DOCK3: variants seen among roughly 807,000 people sequenced by gnomAD.
DOCK3 encodes the protein dedicator of cytokinesis protein 3.
Under a neutral mutation model 265.6 loss-of-function variants are expected in DOCK3, and 60 were observed. That is an observed-to-expected ratio of 0.23 (90% CI 0.18 to 0.28). The LOEUF is 0.28. Among genes scored for constraint, DOCK3 ranks in the 10% least tolerant of loss-of-function variants. The pLI, the probability that DOCK3 is intolerant of heterozygous loss-of-function variation, is 1.00. For synonymous variants in DOCK3, 881 were observed against 938.0 expected (o/e 0.94, Z 1.11); for missense variants, 1,981 against 2,594.3 (o/e 0.76, Z 5.14).
intron 2 of DOCK3, among the ~76,000 whole-genome samples, chr3:50,797,576 T>G (rs1459727234): frequency 6.6e-6 from 1 of 152,206 alleles, no homozygotes; most frequent in African/African-American, 2.4e-5. Flanking sequence ...AAGAGCCACT[T>G]GTAGTATTTT....
At chr3:51,090,869 C>T (rs575208163) in intron 9 of DOCK3, among the ~76,000 whole-genome samples, 1 of 152,246 alleles carries the variant, frequency 6.6e-6, no homozygotes, top group African/African-American at 2.4e-5. Flanking sequence ...TTGGGAACTT[C>T]TTGTGTTAGG....
chr3:50,916,313 G>A (rs2050121564), intron 4 of DOCK3, among the ~76,000 whole-genome samples: 1 of 151,936 alleles, frequency 6.6e-6, no homozygotes, highest in African/African-American at 2.4e-5. Context: ...GAGTGCAGTG[G>A]CACAATCTCA....
At chr3:50,676,969 C>G (rs2034011507) in intron 1 of DOCK3, among the ~76,000 whole-genome samples, 2 of 152,192 alleles carry the variant, frequency 1.3e-5, no homozygotes, top group Non-Finnish European at 2.9e-5. Flanking sequence ...TGAGACAGAG[C>G]CAGTGCAAGG....
chr3:51,043,645 A>G (rs1382036380), intron 5 of DOCK3, among the ~76,000 whole-genome samples: 4 of 152,094 alleles, frequency 2.6e-5, no homozygotes, highest in Admixed American at 2.6e-4. Context: ...TAAACAGACA[A>G]TCTGCAGAAT....
intron 37 of DOCK3, among the ~76,000 whole-genome samples, chr3:51,339,923 G>T (rs571943801): frequency 6.6e-6 from 1 of 152,290 alleles, no homozygotes; most frequent in South Asian, 2.1e-4. Flanking sequence ...ATCTCTAGCC[G>T]TTAGAGAGTG....
At chr3:50,894,768 T>A (rs2048815242) in intron 4 of DOCK3, among the ~76,000 whole-genome samples, 1 of 152,170 alleles carries the variant, frequency 6.6e-6, no homozygotes, top group Non-Finnish European at 1.5e-5. Flanking sequence ...TTTTACAGCA[T>A]GCAAATCTTT....
intron 4 of DOCK3, among the ~76,000 whole-genome samples, chr3:50,902,730 T>A (rs970204111): frequency 6.6e-6 from 1 of 152,198 alleles, no homozygotes; most frequent in African/African-American, 2.4e-5. Context: ...ATGATAGGTT[T>A]ATGGGAATAG....
At chr3:51,308,473 G>A (rs933665091) in intron 27 of DOCK3, among the ~76,000 whole-genome samples, 4 of 151,036 alleles carry the variant, frequency 2.6e-5, no homozygotes, top group East Asian at 1.9e-4. Flanking sequence ...ATCTTGCACC[G>A]CCCTTAATCC....
intron 5 of DOCK3, among the ~76,000 whole-genome samples, chr3:51,010,088 T>C (rs912854957): frequency 6.6e-6 from 1 of 152,254 alleles, no homozygotes; most frequent in Non-Finnish European, 1.5e-5. Context: ...GAAGAATGTA[T>C]ATTCTGTTGA....
chr3:51,350,882 A>C (rs2085932491), intron 40 of DOCK3, among the ~76,000 whole-genome samples: 1 of 152,210 alleles, frequency 6.6e-6, no homozygotes, highest in African/African-American at 2.4e-5. Flanking sequence ...GAACCTGAAG[A>C]ACACAGCATG....
intron 5 of DOCK3, among the ~76,000 whole-genome samples, chr3:51,000,358 A>G (rs2078434137): frequency 6.6e-6 from 1 of 152,222 alleles, no homozygotes; most frequent in Non-Finnish European, 1.5e-5. Flanking sequence ...GACACATACA[A>G]TAATTTGTGA....
At chr3:51,314,225 C>T (rs2083242560) in intron 31 of DOCK3, among the ~76,000 whole-genome samples, 1 of 152,128 alleles carries the variant, frequency 6.6e-6, no homozygotes, top group South Asian at 2.1e-4. Flanking sequence ...TGGTAACATA[C>T]CCTAGATGGC....
intron 1 of DOCK3, 25 bp from the exon 2 acceptor site, chr3:50,778,650 G>A: frequency 6.5e-7 from 1 of 1,540,826 alleles, no homozygotes; most frequent in Non-Finnish European, 8.8e-7. Flanking sequence ...AATGCTAATT[G>A]GTGTGTTTAT....
chr3:51,245,821 T>C (rs1459439485), intron 21 of DOCK3, among the ~76,000 whole-genome samples: 2 of 152,230 alleles, frequency 1.3e-5, no homozygotes, highest in Non-Finnish European at 2.9e-5. Flanking sequence ...GACTGTTCTA[T>C]GTGCTTTATA....
At chr3:50,943,794 A>T (rs1483438409) in intron 5 of DOCK3, among the ~76,000 whole-genome samples, 1 of 152,034 alleles carries the variant, frequency 6.6e-6, no homozygotes, top group Non-Finnish European at 1.5e-5. Context: ...GTGTTTATTC[A>T]ATTCTTTGGT....
intron 5 of DOCK3, among the ~76,000 whole-genome samples, chr3:51,017,691 T>C (rs1199840699): frequency 6.6e-6 from 1 of 151,874 alleles, no homozygotes; most frequent in Admixed American, 6.6e-5. Context: ...TACTGATTTC[T>C]GGCTTTATTC....
At chr3:51,036,092 T>A (rs895382880) in intron 5 of DOCK3, among the ~76,000 whole-genome samples, 3 of 152,138 alleles carry the variant, frequency 2.0e-5, no homozygotes, top group Admixed American at 1.3e-4. Context: ...TCACTGGGGA[T>A]GTGGTGGTAC....
At chr3:50,769,765 T>C (rs1402724686) in intron 1 of DOCK3, among the ~76,000 whole-genome samples, 1 of 145,614 alleles carries the variant, frequency 6.9e-6, no homozygotes, top group Non-Finnish European at 1.5e-5. Flanking sequence ...TGAGCTGAGA[T>C]TGTGCCATTG....
intron 5 of DOCK3, among the ~76,000 whole-genome samples, chr3:50,971,325 A>G (rs1409038841): frequency 2.0e-5 from 3 of 151,678 alleles, no homozygotes; most frequent in Admixed American, 6.6e-5. Context: ...TTTTGAATTT[A>G]CTTATGTTGG....
Sources: gnomAD v4.1 joint callset for allele counts (sites outside exome capture counted in the v4.1 genomes callset) on GRCh38, gnomAD v4.1.1 for gene constraint, MANE v1.5 for transcripts, NCBI Gene and HGNC (gene_info 2026-07-23, HGNC 2026-07-21) for gene names.